TSBP1: variants seen among roughly 807,000 people sequenced by gnomAD.
TSBP1 encodes testis expressed basic protein 1.
Under a neutral mutation model 68.8 loss-of-function variants are expected in TSBP1, and 56 were observed. The ratio of observed to expected loss-of-function variants is 0.81; its 90% CI spans 0.66 to 1.02. The LOEUF is 1.02. Among genes scored for constraint, TSBP1 ranks in the 50% least tolerant of loss-of-function variants. The pLI, the probability that TSBP1 is intolerant of heterozygous loss-of-function variation, is 0.00. For synonymous variants in TSBP1, 171 were observed against 208.7 expected (o/e 0.82, Z 1.56); for missense variants, 502 against 641.2 (o/e 0.78, Z 2.34).
chr6:32,357,669 T>C lies in TSBP1; in HGVS notation c.218-2000A>G, dbSNP rs1583161074. On this transcript the variant is annotated intron_variant, in intron 6 of 22. Transcript: ENST00000612031. The surrounding 1 kb of genome is among the most constrained non-coding windows in gnomAD (Gnocchi z 4.7). ...CATGGTGGTGGAAGGTGGTTTGATT[T>C]GGAGTATAATTTGAAAGCATCAGAG... Among the ~76,000 whole-genome samples, 3 of 152,222 alleles carry C rather than the reference T, an allele frequency of 2.0e-5. No homozygotes were observed. The highest frequency in any genetic ancestry group is 4.8e-5 in the African/African-American group (2 of 41,542).
At chr6:32,334,330 GT>G (rs1016109467) in intron 14 of TSBP1, among the ~76,000 whole-genome samples, 3 of 150,660 alleles carry the variant, frequency 2.0e-5, no homozygotes, top group Admixed American at 6.6e-5. Flanking sequence ...TATTATTTGT[GT>G]TACTCATTCT....
chr6:32,344,375 T>C (rs180885148), intron 9 of TSBP1, among the ~76,000 whole-genome samples: 1 of 150,304 alleles, frequency 6.7e-6, no homozygotes, highest in East Asian at 2.0e-4. Context: ...AAGCCCTGTG[T>C]TCTTGGGCCT....
chr6:32,328,082 C>T (rs1056041682), intron 16 of TSBP1, among the ~76,000 whole-genome samples: 5 of 151,890 alleles, frequency 3.3e-5, no homozygotes, highest in Admixed American at 1.3e-4. Flanking sequence ...GGATTACAGG[C>T]GTGAGCCACC....
intron 9 of TSBP1, among the ~76,000 whole-genome samples, chr6:32,345,732 C>A (rs574306364): frequency 5.9e-5 from 9 of 152,150 alleles, no homozygotes; most frequent in Non-Finnish European, 1.2e-4. Context: ...ATCTTGGGCA[C>A]TACGCTAGTT....
intron 19 of TSBP1, among the ~76,000 whole-genome samples, chr6:32,309,351 A>C (rs754950528): frequency 1.1e-5 from 1 of 94,698 alleles, no homozygotes; most frequent in African/African-American, 3.9e-5. Context: ...GTTTTCTTAC[A>C]TATGTTTCTT....
chr6:32,368,849 T>C lies in TSBP1; in HGVS notation c.101-35A>G, dbSNP rs779549018. 2.5e-6 allele frequency: 4 copies of C among 1,578,940 alleles called. No individual in the cohort carries two copies. In the East Asian group the frequency reaches 9.1e-5, roughly 36 times the overall value. The stretch of plus-strand genomic sequence containing the variant: ...AATTAGGCAAAATGTTTTTATTAGT[T>C]ACTTAGGAGAAGTGTTCTTCCTCTG... On this transcript the variant is annotated intron_variant, in intron 2 of 22. Coordinates refer to ENST00000612031, the Ensembl canonical transcript of TSBP1.
At chr6:32,362,542 A>C (rs570193464) in intron 6 of TSBP1, among the ~76,000 whole-genome samples, 9 of 152,352 alleles carry the variant, frequency 5.9e-5, no homozygotes, top group African/African-American at 2.2e-4. Context: ...GATTAAGACA[A>C]ATATTAACCA....
At position 32,316,250 on chromosome 6, in the gene TSBP1, A is replaced by G; in HGVS notation, c.560-458T>C. 1 of 604,914 alleles carries G rather than the reference A, an allele frequency of 1.7e-6. No individual in the cohort carries two copies. The highest frequency in any genetic ancestry group is 2.9e-6 in the Non-Finnish European group (1 of 345,520). The allele number at this position is 604,914 out of a possible 1,614,324, so 37.5% of individuals were successfully genotyped here. A position where few individuals can be genotyped will look rare whatever the true frequency, so the allele number is the denominator to read the frequency against. ...TCCTAGCTTAGTCCCTCTTTTAATT[A>G]GTGTTTAAAAAGATTCTCTGTAATA... is the stretch of plus-strand genomic sequence containing the variant. On this transcript the variant is annotated intron_variant, in intron 18 of 22. Coordinates refer to ENST00000612031, the Ensembl canonical transcript of TSBP1. The surrounding 1 kb of genome is among the most constrained non-coding windows in gnomAD (Gnocchi z 4.5).
At chr6:32,300,680 T>C (rs1765196093) in exon 21 of TSBP1, 1 of 1,612,668 alleles carries the variant, frequency 6.2e-7, no homozygotes, top group Non-Finnish European at 8.5e-7. Context: ...CCAAACTTAC[T>C]GATTTTTCCA....
At chr6:32,294,197 T>A in intron 22 of TSBP1, 162 bp from the exon 26 acceptor site, 1 of 762,726 alleles carries the variant, frequency 1.3e-6, no homozygotes, top group Non-Finnish European at 2.2e-6. Flanking sequence ...TACATAAAAT[T>A]ATAAAAGTAT....
intron 6 of TSBP1, among the ~76,000 whole-genome samples, chr6:32,363,395 TAA>T (rs1046853599): frequency 3.3e-5 from 5 of 152,224 alleles, no homozygotes; most frequent in African/African-American, 1.2e-4. Flanking sequence ...GTTAAGGACT[TAA>T]TATAGTTATT....
chr6:32,349,690 T>C (rs2076539), intron 9 of TSBP1, 50 bp downstream of exon 9: 437,139 of 1,128,568 alleles, frequency 0.39, 88,359 homozygotes, highest in African/African-American at 0.55. Flanking sequence ...ATCCTCTTGA[T>C]TAAATGGGGC....
In TSBP1 at chr6:32,361,143, C is replaced by T. The variant is rs755044783; in HGVS notation, c.217+5024G>A. ...GAACATGCAGTGTTTGGTTTTCTGT[C>T]CTTGCAATAGTTTGCTGAGAATGAT... On this transcript the variant is annotated intron_variant, in intron 6 of 22. Coordinates refer to ENST00000612031, the Ensembl canonical transcript of TSBP1. This position sits in a 1 kb window ranked among gnomAD's most constrained non-coding sequence, Gnocchi z 4.3. Among the ~76,000 whole-genome samples the T allele has an allele frequency of 1.5e-4, 23 of 152,198 alleles. No homozygotes were observed. The highest frequency in any genetic ancestry group is 5.5e-4 in the African/African-American group (23 of 41,502).
chr6:32,325,569 G>GA lies in TSBP1; in HGVS notation c.515-1956dup. On this transcript the variant is annotated intron_variant, in intron 16 of 22. Transcript: ENST00000612031. The surrounding 1 kb of genome is among the most constrained non-coding windows in gnomAD (Gnocchi z 4.4). The stretch of plus-strand genomic sequence containing the variant: ...TGGTGGCATTAAAGAAGACACTGAA[G>GA]AAATCACCTAAGAAATTATTTTGAG... 1 of 876,194 alleles carries GA rather than the reference G, an allele frequency of 1.1e-6. No individual in the cohort carries two copies. Among genetic ancestry groups the GA allele is most frequent in the Non-Finnish European group, 1.9e-6 (1 of 522,816 alleles). The allele number at this position is 876,194 out of a possible 1,614,324, so 54.3% of individuals were successfully genotyped here.
intron 21 of TSBP1, 73 bp downstream of exon 24, chr6:32,300,605 AAG>A: frequency 1.6e-5 from 21 of 1,325,908 alleles, no homozygotes; most frequent in Non-Finnish European, 2.3e-5. Context: ...CTCGTAACAC[AAG>A]AACATTTGGG....
intron 6 of TSBP1, among the ~76,000 whole-genome samples, chr6:32,362,454 A>G (rs1773174311): frequency 6.6e-6 from 1 of 152,180 alleles, no homozygotes; most frequent in Non-Finnish European, 1.5e-5. Context: ...ATCCTCCATA[A>G]CTGTAAGAAA....
At chr6:32,347,362 C>G (rs1771159832) in intron 9 of TSBP1, among the ~76,000 whole-genome samples, 1 of 136,270 alleles carries the variant, frequency 7.3e-6, no homozygotes, top group South Asian at 2.3e-4. Flanking sequence ...GGGTCTCACT[C>G]TGTTGTTGAG....
At chr6:32,334,014 T>C in intron 14 of TSBP1, 1 of 273,394 alleles carries the variant, frequency 3.7e-6, no homozygotes, top group Non-Finnish European at 7.5e-6. Flanking sequence ...GTATCTTTGA[T>C]TCTGAAGTAG....
At chr6:32,355,768 A>G (rs1484569929) in intron 6 of TSBP1, 99 bp from the exon 7 acceptor site, 22 of 1,399,048 alleles carry the variant, frequency 1.6e-5, no homozygotes, top group Non-Finnish European at 2.1e-5. Flanking sequence ...ACCCTCAAAT[A>G]TCCAGTTAGG....
Sources: allele counts gnomAD v4.1 joint callset (sites outside exome capture counted in the v4.1 genomes callset), GRCh38; gene constraint gnomAD v4.1.1; non-coding constraint Gnocchi (gnomAD v3.1); transcripts MANE v1.5; gene names NCBI Gene and HGNC (gene_info 2026-07-23, HGNC 2026-07-21).